The following PDP2 variants were observed in gnomAD, a reference collection of about 807,000 sequenced individuals.
PDP2 encodes [Pyruvate dehydrogenase [acetyl-transferring]]-phosphatase 2, mitochondrial.
PDP2 carries 23 observed loss-of-function variants against 34.2 expected under a neutral mutation model. The ratio of observed to expected loss-of-function variants is 0.67; its 90% CI spans 0.48 to 0.95. The LOEUF is 0.95. Among genes scored for constraint, PDP2 ranks in the 40% least tolerant of loss-of-function variants. The pLI, the probability that PDP2 is intolerant of heterozygous loss-of-function variation, is 0.00. For missense variants in PDP2, 571 were observed against 659.6 expected (o/e 0.87, Z 1.47); for synonymous variants, 275 against 269.2 (o/e 1.02, Z -0.21).
rs148258799 is a variant in PDP2, at chr16:66,884,769, T to C, written c.485T>C (p.Val162Ala). 2.0e-5 allele frequency: 32 copies of C among 1,614,156 alleles called. No individual in the cohort carries two copies. The highest frequency in any genetic ancestry group is 2.6e-5 in the Non-Finnish European group (31 of 1,180,046). The change falls in exon 2 of 2, where the codon GTG becomes GCG. Residue 162 changes from valine to alanine, a missense_variant. Val to Ala is a moderately conservative substitution (Grantham distance 64). Coordinates refer to ENST00000311765, the MANE Select transcript of PDP2 (RefSeq NM_020786.4). ...VSERLFYYVAVSLMSHQTLEH... is the reference protein window; with the variant it reads ...VSERLFYYVAASLMSHQTLEH... ...GAGAGGCTCTTCTACTATGTGGCAG[T>C]GTCCCTGATGTCCCACCAGACCCTG...
At chr16:66,881,433 A>G (rs374778779) in intron 1 of PDP2, among the ~76,000 whole-genome samples, 1 of 116,268 alleles carries the variant, frequency 8.6e-6, no homozygotes, top group Admixed American at 8.5e-5. Context: ...TTTTTTTTTA[A>G]TTTAATTTAA....
chr16:66,883,410 G>A (rs1266084056), intron 1 of PDP2, among the ~76,000 whole-genome samples: 1 of 151,962 alleles, frequency 6.6e-6, no homozygotes, highest in East Asian at 1.9e-4. Context: ...GGGATTACAG[G>A]CGTGAGCCAC....
Position 66,889,013 on chromosome 16 carries a change from C to G in PDP2, c.*3139C>G, listed in dbSNP as rs1425512350. 1 of 152,182 alleles carries G rather than the reference C, an allele frequency of 6.6e-6. No homozygotes were observed. The highest frequency in any genetic ancestry group is 1.9e-4 in the East Asian group (1 of 5,202). 9.4% of individuals were successfully genotyped at this position (152,182 alleles called of 1,614,324 possible). ...CTGGGGAGCACCTCCTGATTAAACT[C>G]CTGTCTCCCTGACCACTATCCTGCT... On this transcript the variant is annotated 3_prime_UTR_variant, in exon 2 of 2. Coordinates refer to ENST00000311765, the MANE Select transcript of PDP2 (RefSeq NM_020786.4).
At chr16:66,881,434 TTTAATTTAA>T (rs1305331291) in intron 1 of PDP2, among the ~76,000 whole-genome samples, 4 of 91,300 alleles carry the variant, frequency 4.4e-5, no homozygotes, top group African/African-American at 3.7e-4. Flanking sequence ...TTTTTTTTAA[TTTAATTTAA>T]TTTAATTTAA....
rs2145406696 is a variant in PDP2 at position 66,880,646 on chromosome 16, A to C, written c.-55+6A>C. 1 of 152,506 alleles carries C rather than the reference A, an allele frequency of 6.6e-6. No homozygotes were observed. Among genetic ancestry groups the C allele is most frequent in the East Asian group, 1.9e-4 (1 of 5,178 alleles). 9.4% of individuals were successfully genotyped at this position (152,506 alleles called of 1,614,324 possible). ...GGCTGTGGCCTCGCCAGCTGGTGAG[A>C]AGCGGGCGAGGGTCCGAGGTAGGGA... On this transcript the variant is annotated splice_donor_region_variant and intron_variant, in intron 1 of 1. Coordinates refer to ENST00000311765, the MANE Select transcript of PDP2 (RefSeq NM_020786.4).
chr16:66,885,443 C>T lies in PDP2; in HGVS notation c.1159C>T (p.Pro387Ser), dbSNP rs780067355. ...QFTPPHYYTP[P>S]YLTAEPEVTY... ...CACACCCCCACACTACTACACTCCA[C>T]CCTACCTGACTGCTGAGCCTGAGGT... is the stretch of plus-strand genomic sequence containing the variant. The change falls in exon 2 of 2, where the codon CCC (proline) becomes TCC (serine). Residue 387 changes from proline (P) to serine (S), a missense_variant. Coordinates refer to ENST00000311765, the MANE Select transcript of PDP2 (RefSeq NM_020786.4). The surrounding 1 kb of genome is among the most constrained non-coding windows in gnomAD (Gnocchi z 4.6). 6.2e-7 allele frequency: 1 copy of T among 1,613,880 alleles called. No individual in the cohort carries two copies. The highest frequency in any genetic ancestry group is 8.5e-7 in the Non-Finnish European group (1 of 1,180,026).
Position 66,885,432 on chromosome 16 carries a change from A to C in PDP2, c.1148A>C (p.Tyr383Ser). The C allele has an allele frequency of 6.2e-7, 1 of 1,613,712 alleles. No individual in the cohort carries two copies. Residue 383 changes from tyrosine (Y) to serine (S), a missense_variant, in exon 2 of 2, where the codon TAC becomes TCC. Coordinates refer to ENST00000311765, the MANE Select transcript of PDP2 (RefSeq NM_020786.4). This position sits in a 1 kb window ranked among gnomAD's most constrained non-coding sequence, Gnocchi z 4.6. ...ATTTACCAGTTCACACCCCCACACT[A>C]CTACACTCCACCCTACCTGACTGCT... Reference protein sequence around the residue: ...LNIYQFTPPHYYTPPYLTAEP... With the variant: ...LNIYQFTPPHSYTPPYLTAEP...
chr16:66,881,293 G>A (rs1961504183), intron 1 of PDP2, among the ~76,000 whole-genome samples: 1 of 152,226 alleles, frequency 6.6e-6, no homozygotes, highest in Admixed American at 6.5e-5. Context: ...GCTGGCAGGG[G>A]GTGGGGGAGT....
chr16:66,884,968 A>G lies in PDP2; in HGVS notation c.684A>G (p.Glu228=), dbSNP rs1221114993. ...DLHMEMGLSI[E]EALMYSFQRL... Reference sequence around the variant, plus strand: ...ACATGGAAATGGGACTAAGCATTGAAGAAGCATTAATGTACTCCTTCCAGA... The same window carrying G: ...ACATGGAAATGGGACTAAGCATTGAGGAAGCATTAATGTACTCCTTCCAGA... Residue 228 remains glutamate, a synonymous_variant, in exon 2 of 2, where the codon GAA becomes GAG. Coordinates refer to ENST00000311765, the MANE Select transcript of PDP2 (RefSeq NM_020786.4). The G allele has an allele frequency of 1.2e-6, 2 of 1,613,700 alleles. No individual in the cohort carries two copies. The highest frequency in any genetic ancestry group is 1.3e-5 in the African/African-American group (1 of 74,932).
rs1360433833 is a variant in PDP2 at position 66,884,917 on chromosome 16, C to A, written c.633C>A (p.Val211=). ...VTSVHLDHLR[V]YWQELLDLHM... ...CTGTGCATCTTGACCACCTCCGTGTCTATTGGCAGGAACTGCTTGATTTGC... is the reference window on the plus strand; with the variant it reads ...CTGTGCATCTTGACCACCTCCGTGTATATTGGCAGGAACTGCTTGATTTGC... The change falls in exon 2 of 2, where the codon GTC becomes GTA. Residue 211 remains valine (V), a synonymous_variant. Transcript: ENST00000311765. 6 of 1,614,120 alleles carry A rather than the reference C, an allele frequency of 3.7e-6. No homozygotes were observed. In the East Asian group the frequency reaches 1.3e-4, roughly 36 times the overall value.
chr16:66,882,520 C>T (rs1250867479), intron 1 of PDP2, among the ~76,000 whole-genome samples: 1 of 143,178 alleles, frequency 7.0e-6, no homozygotes, highest in Non-Finnish European at 1.5e-5. Context: ...AAAATAATAG[C>T]TACTTTTTTT....
rs1249554913 is a variant in PDP2, at chr16:66,888,897, CT to C, written c.*3026del. The C allele has an allele frequency of 1.3e-5, 2 of 152,256 alleles. No individual in the cohort carries two copies. Among genetic ancestry groups the C allele is most frequent in the African/African-American group, 4.8e-5 (2 of 41,476 alleles). The allele number at this position is 152,256 out of a possible 1,614,324, so 9.4% of individuals were successfully genotyped here. The stretch of plus-strand genomic sequence containing the variant: ...TTTCTCTGCCTAATAGATTTTCCTG[CT>C]TTCTAGTTAGTAATATTGAGAAAGA... On this transcript the variant is annotated 3_prime_UTR_variant, in exon 2 of 2. Transcript: ENST00000311765.
intron 1 of PDP2, 50 bp from the exon 2 acceptor site, chr16:66,884,173 CAAAAAAAA>C (rs575688634): frequency 2.8e-5 from 18 of 642,534 alleles, no homozygotes; most frequent in African/African-American, 1.7e-4. Flanking sequence ...GACTACGTCT[CAAAAAAAA>C]AAAAAAAAAA....
At position 66,885,758 on chromosome 16, in the gene PDP2, C is replaced by T. The variant is rs1961739335; in HGVS notation, c.1474C>T (p.Leu492=). 1.2e-6 allele frequency: 2 copies of T among 1,613,484 alleles called. No homozygotes were observed. The highest frequency in any genetic ancestry group is 1.7e-6 in the Non-Finnish European group (2 of 1,179,982). The change falls in exon 2 of 2, where the codon CTG becomes TTG. Residue 492 remains leucine, a synonymous_variant. Transcript: ENST00000311765. The surrounding 1 kb of genome is among the most constrained non-coding windows in gnomAD (Gnocchi z 4.6). Reference sequence around the variant, plus strand: ...GTATGGGGAGATGGAGGCAGAGCGGCTGGCGGCGATGCTGACATTGCCAGA... The same window carrying T: ...GTATGGGGAGATGGAGGCAGAGCGGTTGGCGGCGATGCTGACATTGCCAGA... ...NEYGEMEAER[L]AAMLTLPEDL... is the part of the protein sequence containing the mutation.
rs758395610 is a variant in PDP2, at chr16:66,884,633, A to G, written c.349A>G (p.Asn117Asp). The G allele has an allele frequency of 6.8e-6, 11 of 1,614,150 alleles. No individual in the cohort carries two copies. Among genetic ancestry groups the G allele is most frequent in the Non-Finnish European group, 8.5e-7 (1 of 1,180,056 alleles). ...GTTTGAGAGCAACCAGCTGGCTGCC[A>G]ATTCCCCAGTGGAGGACCGGCGAGG... ...LRFESNQLAA[N>D]SPVEDRRGVA... Residue 117 changes from asparagine (N) to aspartate (D), a missense_variant, in exon 2 of 2, where the codon AAT becomes GAT. Physicochemically the swap from Asn to Asp is conservative, Grantham distance 23 (BLOSUM62 1). Coordinates refer to ENST00000311765, the MANE Select transcript of PDP2 (RefSeq NM_020786.4).
At position 66,881,427 on chromosome 16, in the gene PDP2, TTTTTAATTTAATTTAA is replaced by T. The variant is rs1452841148; in HGVS notation, c.-55+791_-55+806del. Among the ~76,000 whole-genome samples the T allele has an allele frequency of 2.1e-5, 3 of 141,336 alleles. No homozygotes were observed. In the East Asian group the frequency reaches 6.1e-4, roughly 29 times the overall value. 92.7% of individuals were successfully genotyped at this position (141,336 alleles called of 152,430 possible). ...GTCAAGGTTTTGTTCTGTTTTTTTT[TTTTTAATTTAATTTAA>T]TTTAATTTAATTTAATTTAATTTAT... is the stretch of plus-strand genomic sequence containing the variant. On this transcript the variant is annotated intron_variant, in intron 1 of 1. Coordinates refer to ENST00000311765, the MANE Select transcript of PDP2 (RefSeq NM_020786.4).
chr16:66,882,430 A>T (rs1961561893), intron 1 of PDP2, among the ~76,000 whole-genome samples: 1 of 151,536 alleles, frequency 6.6e-6, no homozygotes, highest in Admixed American at 6.6e-5. Context: ...GCCAGGCTCC[A>T]TCTCAAAAAC....
Position 66,888,775 on chromosome 16 carries a change from G to A in PDP2, c.*2901G>A, listed in dbSNP as rs992767345. The A allele has an allele frequency of 1.3e-5, 2 of 152,128 alleles. No homozygotes were observed. The highest frequency in any genetic ancestry group is 2.4e-5 in the African/African-American group (1 of 41,418). The allele number at this position is 152,128 out of a possible 1,614,324, so 9.4% of individuals were successfully genotyped here. ...TACAGAGTACCTGAATCTTACTTTG[G>A]AGCCTAGCATGGGTCATAAATATAT... is the stretch of plus-strand genomic sequence containing the variant. On this transcript the variant is annotated 3_prime_UTR_variant, in exon 2 of 2. Coordinates refer to ENST00000311765, the MANE Select transcript of PDP2 (RefSeq NM_020786.4).
At chr16:66,882,026 C>T (rs1430036061) in intron 1 of PDP2, among the ~76,000 whole-genome samples, 1 of 152,104 alleles carries the variant, frequency 6.6e-6, no homozygotes, top group Non-Finnish European at 1.5e-5. Flanking sequence ...GTAGAAACAA[C>T]CTCTAAATTT....
Sources: allele counts gnomAD v4.1 joint callset (sites outside exome capture counted in the v4.1 genomes callset), GRCh38; gene constraint gnomAD v4.1.1; non-coding constraint Gnocchi (gnomAD v3.1); transcripts MANE v1.5; gene names NCBI Gene and HGNC (gene_info 2026-07-23, HGNC 2026-07-21).